JAZF1: variants seen among roughly 807,000 people sequenced by gnomAD.
The protein encoded by JAZF1 is juxtaposed with another zinc finger protein 1.
A neutral mutation model predicts 26.4 loss-of-function variants in JAZF1; 8 were observed. The observed-to-expected ratio is 0.30, with a 90% CI of 0.18 to 0.55. The LOEUF is 0.55. JAZF1 is among the 20% of genes least tolerant of loss of function. The pLI, the probability that JAZF1 is intolerant of heterozygous loss-of-function variation, is 0.94. For synonymous variants in JAZF1, 126 were observed against 122.3 expected (o/e 1.03, Z -0.20); for missense variants, 199 against 322.0 (o/e 0.62, Z 2.92).
chr7:27,914,694 T>C (rs1325444619), intron 2 of JAZF1: 2 of 470,836 alleles, frequency 4.2e-6, no homozygotes, highest in African/African-American at 4.0e-5. Context: ...CCCATATAGA[T>C]ATAGCACTTC....
At chr7:28,012,858 C>T (rs1010807638) in intron 1 of JAZF1, among the ~76,000 whole-genome samples, 3 of 152,218 alleles carry the variant, frequency 2.0e-5, no homozygotes, top group Non-Finnish European at 2.9e-5. Context: ...ATTTAAACCA[C>T]GTTTTTTATC....
intron 1 of JAZF1, among the ~76,000 whole-genome samples, chr7:28,070,950 T>C (rs1215490290): frequency 6.6e-6 from 1 of 152,224 alleles, no homozygotes; most frequent in Non-Finnish European, 1.5e-5. Context: ...AGAGCAGACA[T>C]TCAATAAATT....
At chr7:28,042,915 T>C (rs1783418535) in intron 1 of JAZF1, among the ~76,000 whole-genome samples, 1 of 152,198 alleles carries the variant, frequency 6.6e-6, no homozygotes. Context: ...TAACAATGCA[T>C]TTCTCAGAAC....
At chr7:27,876,556 C>A (rs763017352) in intron 3 of JAZF1, among the ~76,000 whole-genome samples, 2 of 152,128 alleles carry the variant, frequency 1.3e-5, no homozygotes, top group Non-Finnish European at 2.9e-5. Flanking sequence ...ATTCTGAATC[C>A]TTTTAATCTC....
chr7:28,161,933 C>T (rs1783298777), intron 1 of JAZF1, among the ~76,000 whole-genome samples: 2 of 152,156 alleles, frequency 1.3e-5, no homozygotes, highest in African/African-American at 4.8e-5. Flanking sequence ...ATAGTACCTC[C>T]TTTGCAGCCT....
chr7:27,868,519 C>G (rs1253292892), intron 3 of JAZF1, among the ~76,000 whole-genome samples: 2 of 152,168 alleles, frequency 1.3e-5, no homozygotes, highest in African/African-American at 4.8e-5. Context: ...CCTGGCTGGT[C>G]GGCTCCCCAG....
At chr7:28,010,319 G>A (rs944899340) in intron 1 of JAZF1, among the ~76,000 whole-genome samples, 1 of 152,126 alleles carries the variant, frequency 6.6e-6, no homozygotes, top group African/African-American at 2.4e-5. Context: ...ACAGCTCTGG[G>A]AGGGCGGTCG....
rs887517703 is a variant in JAZF1, at chr7:27,840,584, G to C, written c.555+114C>G. The stretch of plus-strand genomic sequence containing the variant: ...CCACGCACTCTAATGCAGGAGAGGG[G>C]AGTGTCTCCCCCCAGCCCATACGCT... On this transcript the variant is annotated intron_variant, in intron 4 of 4. Coordinates refer to ENST00000283928, the MANE Select transcript of JAZF1 (RefSeq NM_175061.4). This position sits in a 1 kb window ranked among gnomAD's most constrained non-coding sequence, Gnocchi z 5.1. 11 of 1,081,818 alleles carry C rather than the reference G, an allele frequency of 1.0e-5. No homozygotes were observed. In the African/African-American group the frequency reaches 1.6e-4, roughly 15 times the overall value. 67.0% of individuals were successfully genotyped at this position (1,081,818 alleles called of 1,614,324 possible). A position where few individuals can be genotyped will look rare whatever the true frequency, so the allele number is the denominator to read the frequency against.
intron 1 of JAZF1, among the ~76,000 whole-genome samples, chr7:28,059,912 C>G (rs1453150318): frequency 1.3e-5 from 2 of 152,130 alleles, no homozygotes; most frequent in African/African-American, 4.8e-5. Flanking sequence ...TTTTACTATG[C>G]CATATCTAGG....
At chr7:28,098,077 A>G (rs940289754) in intron 1 of JAZF1, among the ~76,000 whole-genome samples, 11 of 152,124 alleles carry the variant, frequency 7.2e-5, no homozygotes, top group African/African-American at 2.7e-4. Flanking sequence ...TTAAATTCCT[A>G]TGTTGAATCT....
intron 2 of JAZF1, among the ~76,000 whole-genome samples, chr7:27,955,415 T>G (rs1661287335): frequency 6.6e-6 from 1 of 152,194 alleles, no homozygotes; most frequent in Non-Finnish European, 1.5e-5. Flanking sequence ...CTTAAACACT[T>G]ACCGTACTGA....
At chr7:27,868,420 C>G (rs1369690826) in intron 3 of JAZF1, among the ~76,000 whole-genome samples, 1 of 152,238 alleles carries the variant, frequency 6.6e-6, no homozygotes, top group Non-Finnish European at 1.5e-5. Flanking sequence ...TCCCATCCCC[C>G]TCTCCAGATT....
intron 2 of JAZF1, among the ~76,000 whole-genome samples, chr7:27,956,070 G>A (rs1017987549): frequency 2.0e-5 from 3 of 152,168 alleles, no homozygotes; most frequent in African/African-American, 7.2e-5. Flanking sequence ...GTTCTGATTG[G>A]GTGGGATGAG....
At chr7:28,138,632 C>T (rs190957412) in intron 1 of JAZF1, among the ~76,000 whole-genome samples, 174 of 152,348 alleles carry the variant, frequency 1.1e-3, no homozygotes, top group African/African-American at 4.1e-3. Flanking sequence ...GTAGGCTTCT[C>T]ATCCTAACTC....
At chr7:27,990,375 T>C (rs1035396964) in intron 2 of JAZF1, among the ~76,000 whole-genome samples, 1 of 151,856 alleles carries the variant, frequency 6.6e-6, no homozygotes, top group Non-Finnish European at 1.5e-5. Flanking sequence ...ATGGCACATG[T>C]ATACATATGT....
At chr7:27,846,654 T>C in intron 3 of JAZF1, 1 of 411,396 alleles carries the variant, frequency 2.4e-6, no homozygotes, top group Admixed American at 2.7e-5. Context: ...TGAATGGGTG[T>C]GCTCTTTTAA....
At chr7:28,159,468 G>C (rs1406127647) in intron 1 of JAZF1, among the ~76,000 whole-genome samples, 1 of 151,994 alleles carries the variant, frequency 6.6e-6, no homozygotes, top group East Asian at 1.9e-4. Context: ...GAGCAGAGAG[G>C]AAGGCGGGAG....
At chr7:28,114,557 T>A (rs1356578738) in intron 1 of JAZF1, among the ~76,000 whole-genome samples, 2 of 151,494 alleles carry the variant, frequency 1.3e-5, no homozygotes, top group Non-Finnish European at 2.9e-5. Context: ...AAACTGGGCA[T>A]GGTGTACTGT....
At chr7:27,871,880 C>T (rs1358154624) in intron 3 of JAZF1, among the ~76,000 whole-genome samples, 2 of 152,126 alleles carry the variant, frequency 1.3e-5, no homozygotes, top group Non-Finnish European at 2.9e-5. Context: ...GGTGGGGAGA[C>T]ACACATGTCA....
Sources: gnomAD v4.1 joint callset for allele counts (sites outside exome capture counted in the v4.1 genomes callset) on GRCh38, gnomAD v4.1.1 for gene constraint, Gnocchi (gnomAD v3.1) non-coding constraint, MANE v1.5 for transcripts, NCBI Gene and HGNC (gene_info 2026-07-23, HGNC 2026-07-21) for gene names.